The following PTPRM variants were observed in gnomAD, a reference collection of about 807,000 sequenced individuals.
PTPRM encodes the protein receptor-type tyrosine-protein phosphatase mu.
PTPRM carries 47 observed loss-of-function variants against 186.7 expected under a neutral mutation model. That is an observed-to-expected ratio of 0.25 (90% CI 0.20 to 0.32). The LOEUF is 0.32. Among genes scored for constraint, PTPRM ranks in the 10% least tolerant of loss-of-function variants. The pLI is 1.00. For synonymous variants in PTPRM, 668 were observed against 674.9 expected (o/e 0.99, Z 0.16); for missense variants, 1,494 against 1,865.0 (o/e 0.80, Z 3.66).
chr18:8,255,290 C>T (rs936550695), intron 19 of PTPRM, among the ~76,000 whole-genome samples: 3 of 152,134 alleles, frequency 2.0e-5, no homozygotes, highest in African/African-American at 7.2e-5. Context: ...GTTTTAGGCT[C>T]AAATAACAAT....
chr18:8,117,594 G>C (rs1349017500), intron 13 of PTPRM, among the ~76,000 whole-genome samples: 1 of 152,062 alleles, frequency 6.6e-6, no homozygotes, highest in African/African-American at 2.4e-5. Context: ...ATAAAAGTTA[G>C]ACAGGAAAAA....
chr18:8,079,450 G>A (rs571073560), intron 9 of PTPRM, among the ~76,000 whole-genome samples: 5 of 152,098 alleles, frequency 3.3e-5, no homozygotes, highest in Non-Finnish European at 7.4e-5. Flanking sequence ...CCTTGCTTCC[G>A]AATTTTACTT....
At chr18:8,182,788 C>T (rs2093593753) in intron 14 of PTPRM, among the ~76,000 whole-genome samples, 1 of 152,162 alleles carries the variant, frequency 6.6e-6, no homozygotes, top group African/African-American at 2.4e-5. Flanking sequence ...TGACTCATAG[C>T]AGAAAAGTGC....
At chr18:8,328,666 G>C (rs926079004) in intron 22 of PTPRM, among the ~76,000 whole-genome samples, 1 of 152,118 alleles carries the variant, frequency 6.6e-6, no homozygotes, top group African/African-American at 2.4e-5. Flanking sequence ...ATATACAGGC[G>C]AACAGTGACT....
rs183369645 is a variant in PTPRM at position 7,937,908 on chromosome 18, A to G, written c.663+11225A>G. Among the ~76,000 whole-genome samples, 76 of 152,048 alleles carry G rather than the reference A, an allele frequency of 5.0e-4. 2 individuals carry two copies. Among genetic ancestry groups the G allele is most frequent in the Non-Finnish European group, 4.4e-5 (3 of 68,018 alleles). ...AGCCTTCCAGTGGGGCTTACTCTGCATGGGTGACTCCTGTCCTGGTCCATT... is the reference window on the plus strand; with the variant it reads ...AGCCTTCCAGTGGGGCTTACTCTGCGTGGGTGACTCCTGTCCTGGTCCATT... On this transcript the variant is annotated intron_variant, in intron 5 of 32. Coordinates refer to ENST00000580170, the MANE Select transcript of PTPRM (RefSeq NM_001105244.2).
At chr18:7,922,509 A>G (rs1387927028) in intron 4 of PTPRM, among the ~76,000 whole-genome samples, 1 of 152,224 alleles carries the variant, frequency 6.6e-6, no homozygotes, top group African/African-American at 2.4e-5. Flanking sequence ...ATTATGAGTC[A>G]GAGGAAATTT....
chr18:8,057,657 T>C (rs1332094155), intron 7 of PTPRM, among the ~76,000 whole-genome samples: 1 of 107,218 alleles, frequency 9.3e-6, no homozygotes, highest in Non-Finnish European at 1.8e-5. Flanking sequence ...CCTGTGACCA[T>C]GTGATCTCAT....
intron 1 of PTPRM, among the ~76,000 whole-genome samples, chr18:7,578,564 T>C (rs936148172): frequency 2.0e-5 from 3 of 152,042 alleles, no homozygotes; most frequent in African/African-American, 7.2e-5. Flanking sequence ...CTCGATCTCC[T>C]GACCTCGTGA....
At chr18:7,695,422 C>T (rs1264983195) in intron 1 of PTPRM, among the ~76,000 whole-genome samples, 1 of 152,152 alleles carries the variant, frequency 6.6e-6, no homozygotes, top group Non-Finnish European at 1.5e-5. Context: ...GATCAATGGA[C>T]CACTTATTGC....
At chr18:7,972,582 A>T (rs917767908) in intron 7 of PTPRM, among the ~76,000 whole-genome samples, 1 of 150,096 alleles carries the variant, frequency 6.7e-6, no homozygotes, top group East Asian at 2.0e-4. Context: ...AAATATACAT[A>T]TTAAAATATA....
At chr18:8,134,159 C>T (rs192732388) in intron 13 of PTPRM, among the ~76,000 whole-genome samples, 1 of 152,262 alleles carries the variant, frequency 6.6e-6, no homozygotes, top group East Asian at 1.9e-4. Context: ...TGTGCATAGA[C>T]AGGGGAAAGC....
chr18:8,323,363 C>A (rs911302016), intron 22 of PTPRM, among the ~76,000 whole-genome samples: 1 of 152,094 alleles, frequency 6.6e-6, no homozygotes, highest in African/African-American at 2.4e-5. Context: ...ATGCTCACCC[C>A]CCAAAACCAT....
At chr18:8,017,000 G>A (rs2084909977) in intron 7 of PTPRM, among the ~76,000 whole-genome samples, 1 of 152,120 alleles carries the variant, frequency 6.6e-6, no homozygotes, top group Admixed American at 6.5e-5. Flanking sequence ...GAAAGGGTTT[G>A]CATGTTCATT....
At chr18:8,294,619 A>G (rs2095075930) in intron 19 of PTPRM, among the ~76,000 whole-genome samples, 1 of 152,176 alleles carries the variant, frequency 6.6e-6, no homozygotes, top group Non-Finnish European at 1.5e-5. Context: ...TCACTCTTCA[A>G]CTAGCGATGC....
At chr18:7,717,690 C>G (rs148164782) in intron 1 of PTPRM, among the ~76,000 whole-genome samples, 11 of 152,332 alleles carry the variant, frequency 7.2e-5, no homozygotes, top group African/African-American at 1.4e-4. Flanking sequence ...AGCACTGAAG[C>G]CTCTGGGGCT....
At chr18:8,057,348 A>T (rs1321405692) in intron 7 of PTPRM, among the ~76,000 whole-genome samples, 1 of 151,328 alleles carries the variant, frequency 6.6e-6, no homozygotes, top group Admixed American at 6.6e-5. Flanking sequence ...AACTTCAAAA[A>T]CCCTAAACAC....
intron 8 of PTPRM, 66 bp downstream of exon 8, chr18:8,070,060 G>T: frequency 7.1e-7 from 1 of 1,412,972 alleles, no homozygotes; most frequent in South Asian, 1.4e-5. Flanking sequence ...TTTGTTTCGA[G>T]ATCTTTGCTG....
chr18:7,949,121 CTGTT>C, intron 5 of PTPRM, 56 bp from the exon 6 acceptor site: 2 of 1,441,340 alleles, frequency 1.4e-6, no homozygotes, highest in Non-Finnish European at 1.9e-6. Context: ...GGGTGTCTGA[CTGTT>C]TTGCTCTGAC....
chr18:7,890,566 G>C (rs539213767), intron 3 of PTPRM, among the ~76,000 whole-genome samples: 1 of 152,106 alleles, frequency 6.6e-6, no homozygotes, highest in South Asian at 2.1e-4. Context: ...GTGAGTACAC[G>C]TGTAAATTGT....
Sources: gnomAD v4.1 joint callset for allele counts (sites outside exome capture counted in the v4.1 genomes callset) on GRCh38, gnomAD v4.1.1 for gene constraint, MANE v1.5 for transcripts, NCBI Gene and HGNC (gene_info 2026-07-23, HGNC 2026-07-21) for gene names.